GALNT1: variants seen among roughly 807,000 people sequenced by gnomAD.
GALNT1 encodes the protein polypeptide N-acetylgalactosaminyltransferase 1, also known as GalNAc transferase 1.
A neutral mutation model predicts 65.7 loss-of-function variants in GALNT1; 17 were observed. That is an observed-to-expected ratio of 0.26 (90% CI 0.18 to 0.39). The LOEUF is 0.39. Among genes scored for constraint, GALNT1 ranks in the 10% least tolerant of loss-of-function variants. GALNT1 has a pLI of 1.00. For missense variants in GALNT1, 460 were observed against 672.8 expected, an observed-to-expected ratio of 0.68 and a Z score of 3.50; for synonymous variants, 210 against 219.7, an observed-to-expected ratio of 0.96 and a Z score of 0.39.
chr18:35,691,271 A>G (rs1437705550), intron 8 of GALNT1, 79 bp downstream of exon 8: 1 of 1,322,050 alleles, frequency 7.6e-7, no homozygotes, highest in African/African-American at 1.5e-5. Flanking sequence ...AGAAGGTTAG[A>G]AGTGAAGCTT....
At chr18:35,687,705 A>G (rs1321810104) in intron 6 of GALNT1, among the ~76,000 whole-genome samples, 1 of 151,902 alleles carries the variant, frequency 6.6e-6, no homozygotes, top group African/African-American at 2.4e-5. Context: ...TTATTCTCTG[A>G]TTTTTTTTCT....
At position 35,657,499 on chromosome 18, in the gene GALNT1, G is replaced by A. The variant is rs572496527; in HGVS notation, c.139+2698G>A. Among the ~76,000 whole-genome samples, 14 of 152,292 alleles carry A rather than the reference G, an allele frequency of 9.2e-5. No individual in the cohort carries two copies. In the South Asian group the frequency reaches 2.9e-3, roughly 32 times the overall value. ...TAGTTTAAGTCTTTTCTGTACCTGA[G>A]GCTGTGCATGGTATGTGTAGAGTTG... is the stretch of plus-strand genomic sequence containing the variant. On this transcript the variant is annotated intron_variant, in intron 2 of 11. Coordinates refer to ENST00000269195, the MANE Select transcript of GALNT1 (RefSeq NM_020474.4).
At position 35,692,178 on chromosome 18, in the gene GALNT1, C is replaced by T. The variant is rs942220234; in HGVS notation, c.1160-3C>T. 1.2e-6 allele frequency: 2 copies of T among 1,602,388 alleles called. No homozygotes were observed. Among genetic ancestry groups the T allele is most frequent in the East Asian group, 2.2e-5 (1 of 44,588 alleles). ...ATTCAGAGTCAATTATTTCTTTCAA[C>T]AGGTGTTACAAAGGTAGATTATGGA... is the stretch of plus-strand genomic sequence containing the variant. On this transcript the variant is annotated splice_polypyrimidine_tract_variant and splice_region_variant and intron_variant, in intron 8 of 11. Coordinates refer to ENST00000269195, the MANE Select transcript of GALNT1 (RefSeq NM_020474.4).
intron 1 of GALNT1, among the ~76,000 whole-genome samples, chr18:35,648,130 A>G (rs1458948113): frequency 8.3e-5 from 10 of 120,276 alleles, no homozygotes; most frequent in African/African-American, 1.9e-4. Flanking sequence ...GAGGGAGGGA[A>G]GGAAGGAAGG....
At chr18:35,589,170 A>G (rs72958837) in intron 1 of GALNT1, among the ~76,000 whole-genome samples, 16,443 of 152,074 alleles carry the variant, frequency 0.11, 1,143 homozygotes, top group African/African-American at 0.2. Flanking sequence ...GAGGTACAGT[A>G]TCTTGTTTCC....
chr18:35,703,753 C>A, intron 11 of GALNT1, 110 bp downstream of exon 11: 2 of 1,056,834 alleles, frequency 1.9e-6, no homozygotes, highest in South Asian at 1.9e-5. Flanking sequence ...ATGGATCAAA[C>A]TTGTCTTATA....
At chr18:35,681,470 C>T (rs985635521) in intron 4 of GALNT1, among the ~76,000 whole-genome samples, 12 of 151,368 alleles carry the variant, frequency 7.9e-5, no homozygotes, top group African/African-American at 2.4e-4. Flanking sequence ...GTGAGTTACC[C>T]GACCACAGAA....
chr18:35,595,096 G>A (rs1384692087), intron 1 of GALNT1, among the ~76,000 whole-genome samples: 1 of 151,900 alleles, frequency 6.6e-6, no homozygotes, highest in Non-Finnish European at 1.5e-5. Context: ...TAAATGAAGA[G>A]GCAGATTCTG....
chr18:35,693,270 G>A (rs2047998302), intron 9 of GALNT1, among the ~76,000 whole-genome samples: 1 of 152,142 alleles, frequency 6.6e-6, no homozygotes, highest in South Asian at 2.1e-4. Context: ...GGAAGAACAA[G>A]TATAAAGGTT....
At chr18:35,643,309 G>A (rs2144312561) in intron 1 of GALNT1, among the ~76,000 whole-genome samples, 1 of 152,224 alleles carries the variant, frequency 6.6e-6, no homozygotes, top group Non-Finnish European at 1.5e-5. Flanking sequence ...GGTTAGAAAT[G>A]TCTGTTGAGC....
At chr18:35,690,986 T>TA in intron 7 of GALNT1, 26 bp from the exon 8 acceptor site, 1 of 1,548,740 alleles carries the variant, frequency 6.5e-7, no homozygotes, top group Non-Finnish European at 8.7e-7. Flanking sequence ...AGCTACATGT[T>TA]ACATGGTCAT....
At chr18:35,651,947 T>G (rs912574220) in intron 1 of GALNT1, among the ~76,000 whole-genome samples, 2 of 152,186 alleles carry the variant, frequency 1.3e-5, no homozygotes, top group African/African-American at 4.8e-5. Context: ...TTACATCTTA[T>G]ATCTTTGATG....
chr18:35,706,232 C>T (rs184350748), intron 11 of GALNT1, among the ~76,000 whole-genome samples: 131 of 152,208 alleles, frequency 8.6e-4, no homozygotes, highest in Middle Eastern at 3.4e-3. Flanking sequence ...AAGAGCCGGC[C>T]GGGCGCGGTG....
intron 1 of GALNT1, among the ~76,000 whole-genome samples, chr18:35,591,310 G>C (rs1267905680): frequency 6.6e-6 from 1 of 152,190 alleles, no homozygotes; most frequent in African/African-American, 2.4e-5. Context: ...CTATGCTGTG[G>C]TAATAGTAAG....
At chr18:35,694,606 G>A (rs1177698611) in intron 9 of GALNT1, among the ~76,000 whole-genome samples, 3 of 152,158 alleles carry the variant, frequency 2.0e-5, no homozygotes, top group Non-Finnish European at 4.4e-5. Context: ...ATGAACGCAG[G>A]GTCTGAAGAG....
At chr18:35,670,781 A>G (rs888217411) in intron 3 of GALNT1, among the ~76,000 whole-genome samples, 5 of 152,222 alleles carry the variant, frequency 3.3e-5, no homozygotes, top group Non-Finnish European at 7.3e-5. Context: ...AGTGGAACAC[A>G]ATAGCGAGTT....
intron 1 of GALNT1, among the ~76,000 whole-genome samples, chr18:35,583,644 A>G (rs1408986829): frequency 6.6e-6 from 1 of 152,154 alleles, no homozygotes; most frequent in African/African-American, 2.4e-5. Context: ...GTGTGGTGGC[A>G]TGCGTCTGTA....
chr18:35,612,119 T>G (rs942272790), intron 1 of GALNT1, among the ~76,000 whole-genome samples: 1 of 152,140 alleles, frequency 6.6e-6, no homozygotes, highest in Non-Finnish European at 1.5e-5. Flanking sequence ...AAGGAAAAAT[T>G]GAGAGATAAA....
intron 1 of GALNT1, among the ~76,000 whole-genome samples, chr18:35,613,547 G>GT (rs1199638542): frequency 6.6e-6 from 1 of 152,138 alleles, no homozygotes; most frequent in Non-Finnish European, 1.5e-5. Context: ...TCTGGTATTT[G>GT]TAAGTCCTTC....
Sources: allele counts gnomAD v4.1 joint callset (sites outside exome capture counted in the v4.1 genomes callset), GRCh38; gene constraint gnomAD v4.1.1; transcripts MANE v1.5; gene names NCBI Gene and HGNC (gene_info 2026-07-23, HGNC 2026-07-21).